Variants in AKR1C3 observed in about 807,000 individuals in gnomAD.
AKR1C3 encodes the protein aldo-keto reductase family 1 member C3.
AKR1C3 carries 48 observed loss-of-function variants against 43.6 expected under a neutral mutation model. The observed-to-expected ratio is 1.10, with a 90% CI of 0.87 to 1.40. The LOEUF (loss-of-function observed/expected upper bound fraction) is 1.40. AKR1C3 is among the 40% of genes most tolerant of loss of function. The pLI is 0.00. For missense variants in AKR1C3, 482 were observed against 391.2 expected, an observed-to-expected ratio of 1.23 and a Z score of -1.96; for synonymous variants, 162 against 139.6, an observed-to-expected ratio of 1.16 and a Z score of -1.13.
At chr10:5,084,425 C>T (rs1838914419) in intron 1 of AKR1C3, among the ~76,000 whole-genome samples, 1 of 151,080 alleles carries the variant, frequency 6.6e-6, no homozygotes, top group African/African-American at 2.4e-5. Flanking sequence ...TGTTCTGTTC[C>T]ATTGGTCTAT....
chr10:5,098,739 G>A (rs1279691233), intron 3 of AKR1C3, 63 bp from the exon 4 acceptor site: 7 of 1,343,292 alleles, frequency 5.2e-6, no homozygotes, highest in Middle Eastern at 1.8e-4. Context: ...AGGTACCTGG[G>A]GTTACAGCTA....
intron 1 of AKR1C3, among the ~76,000 whole-genome samples, chr10:5,075,270 T>C (rs1013081367): frequency 6.6e-6 from 1 of 152,134 alleles, no homozygotes; most frequent in Non-Finnish European, 1.5e-5. Flanking sequence ...GTCATAAGTT[T>C]GTGTGCCTTT....
chr10:5,068,400 A>G (rs1463427972), intron 1 of AKR1C3, among the ~76,000 whole-genome samples: 1 of 152,124 alleles, frequency 6.6e-6, no homozygotes, highest in South Asian at 2.1e-4. Context: ...TAGAAAAGAC[A>G]ATTTTGAAAC....
At chr10:5,091,234 G>A (rs186870880), upstream of AKR1C3, among the ~76,000 whole-genome samples, 1 of 152,200 alleles carries the variant, frequency 6.6e-6, no homozygotes, top group Admixed American at 6.6e-5. Context: ...GCAGGAAAGA[G>A]AGAATGAGAA....
At chr10:5,059,149 C>A (rs1002683251) in intron 1 of AKR1C3, among the ~76,000 whole-genome samples, 5 of 152,208 alleles carry the variant, frequency 3.3e-5, no homozygotes, top group Admixed American at 6.5e-5. Flanking sequence ...CAGGTAGTCC[C>A]CACTATGATG....
At chr10:5,071,220 T>C (rs550292096) in intron 1 of AKR1C3, among the ~76,000 whole-genome samples, 16 of 152,294 alleles carry the variant, frequency 1.1e-4, no homozygotes, top group African/African-American at 3.8e-4. Context: ...TCCAAGGCCA[T>C]AGTGATCTCA....
At chr10:5,092,474 C>T (rs1038659790), upstream of AKR1C3, among the ~76,000 whole-genome samples, 26 of 100,204 alleles carry the variant, frequency 2.6e-4, 1 homozygote, top group Admixed American at 2.9e-4. Flanking sequence ...CTGTTCACAT[C>T]TCTTTACTCT....
chr10:5,058,589 C>A (rs782337818), intron 1 of AKR1C3, among the ~76,000 whole-genome samples: 1 of 152,160 alleles, frequency 6.6e-6, no homozygotes, highest in East Asian at 1.9e-4. Context: ...CCACAACAGT[C>A]CCTGGACCCT....
intron 1 of AKR1C3, among the ~76,000 whole-genome samples, chr10:5,082,917 G>A (rs1468042296): frequency 4.0e-5 from 6 of 151,894 alleles, no homozygotes; most frequent in African/African-American, 1.2e-4. Flanking sequence ...AATCTCTCTG[G>A]TCCCACGCTA....
chr10:5,097,662 G>A, intron 3 of AKR1C3, 112 bp downstream of exon 3: 1 of 1,581,578 alleles, frequency 6.3e-7, no homozygotes, highest in African/African-American at 1.4e-5. Context: ...TTATCACACA[G>A]AAGAAGAACC....
chr10:5,069,126 A>T (rs530460670), intron 1 of AKR1C3, among the ~76,000 whole-genome samples: 1 of 152,306 alleles, frequency 6.6e-6, no homozygotes, highest in African/African-American at 2.4e-5. Context: ...AACTTTACAG[A>T]AGGGACAAAT....
rs574020297 is a variant in AKR1C3 at position 5,052,626 on chromosome 10, C to T, written c.84+3731C>T. On this transcript the variant is annotated intron_variant, in intron 1 of 8. Coordinates refer to the AKR1C3 transcript ENST00000439082. ...ATTCACAAAACCTGAGCTAGACACA[C>T]GGTGCTAATTGGTGTGTTTATAAAC... Among the ~76,000 whole-genome samples, 18 of 150,680 alleles carry T rather than the reference C, an allele frequency of 1.2e-4. No homozygotes were observed. In the South Asian group the frequency reaches 2.1e-3, roughly 18 times the overall value.
upstream of AKR1C3, chr10:5,048,803 G>A (rs782451595): frequency 4.3e-5 from 70 of 1,612,862 alleles, no homozygotes; most frequent in Non-Finnish European, 5.4e-5. Context: ...AGCCAGCTGA[G>A]TGACAGTGAT....
intron 1 of AKR1C3, among the ~76,000 whole-genome samples, chr10:5,055,021 G>A (rs1428269507): frequency 6.6e-6 from 1 of 152,254 alleles, no homozygotes; most frequent in East Asian, 1.9e-4. Flanking sequence ...TGGGCACGCA[G>A]GATTAGATAA....
intron 1 of AKR1C3, among the ~76,000 whole-genome samples, chr10:5,062,394 C>G (rs1170317999): frequency 6.6e-6 from 1 of 152,126 alleles, no homozygotes; most frequent in Non-Finnish European, 1.5e-5. Flanking sequence ...CCTTGATGGT[C>G]TCTGGCTTTA....
intron 1 of AKR1C3, among the ~76,000 whole-genome samples, chr10:5,068,026 A>G (rs559106711): frequency 2.3e-4 from 35 of 152,310 alleles, no homozygotes; most frequent in Non-Finnish European, 1.3e-4. Context: ...TTCAAATTGT[A>G]TATTTAAATA....
chr10:5,071,635 A>G (rs970598571), intron 1 of AKR1C3, among the ~76,000 whole-genome samples: 2 of 152,202 alleles, frequency 1.3e-5, no homozygotes, highest in Admixed American at 6.5e-5. Context: ...GGCTACATCA[A>G]TAGATAACCA....
intron 1 of AKR1C3, among the ~76,000 whole-genome samples, chr10:5,095,354 A>G (rs915743104): frequency 6.6e-6 from 1 of 152,116 alleles, no homozygotes; most frequent in African/African-American, 2.4e-5. Context: ...TAGACCAGTG[A>G]CAAAAGTGGT....
chr10:5,104,252 TAAATTC>T (rs1373212193), intron 7 of AKR1C3, among the ~76,000 whole-genome samples: 3 of 152,210 alleles, frequency 2.0e-5, no homozygotes, highest in African/African-American at 7.2e-5. Context: ...AAATTAGTTG[TAAATTC>T]AAATGAATTT....
Sources: allele counts gnomAD v4.1 joint callset (sites outside exome capture counted in the v4.1 genomes callset), GRCh38; gene constraint gnomAD v4.1.1; transcripts MANE v1.5; gene names NCBI Gene and HGNC (gene_info 2026-07-23, HGNC 2026-07-21).